SPIRE2: variants seen among roughly 807,000 people sequenced by gnomAD.
SPIRE2 encodes the protein protein spire homolog 2.
A neutral mutation model predicts 80.7 loss-of-function variants in SPIRE2; 76 were observed. The observed-to-expected ratio is 0.94, with a 90% confidence interval of 0.78 to 1.14. The LOEUF (loss-of-function observed/expected upper bound fraction) is 1.14. Ranked by LOEUF, SPIRE2 falls within the 50% of genes most tolerant of loss-of-function variation. The pLI is 0.00. For synonymous variants in SPIRE2, 535 were observed against 432.6 expected (o/e 1.24, Z -2.94); for missense variants, 1,196 against 1,015.3 (o/e 1.18, Z -2.42).
At chr16:89,833,690 T>C (rs2041410919) in intron 1 of SPIRE2, among the ~76,000 whole-genome samples, 1 of 152,200 alleles carries the variant, frequency 6.6e-6, no homozygotes, top group South Asian at 2.1e-4. Flanking sequence ...CCGGAAGCAC[T>C]GGCCAGTGGA....
intron 1 of SPIRE2, among the ~76,000 whole-genome samples, chr16:89,835,303 T>G (rs2041437422): frequency 6.6e-6 from 1 of 152,206 alleles, no homozygotes; most frequent in Admixed American, 6.5e-5. Flanking sequence ...AGTTCTGCCT[T>G]GTGCTTTTGG....
chr16:89,835,693 G>A (rs1349563237), intron 1 of SPIRE2, among the ~76,000 whole-genome samples: 1 of 152,176 alleles, frequency 6.6e-6, no homozygotes, highest in Middle Eastern at 3.2e-3. Flanking sequence ...CCATTTAGGA[G>A]GAAGGCGGGC....
chr16:89,839,369 A>G (rs1403095376), intron 1 of SPIRE2, among the ~76,000 whole-genome samples: 19 of 83,668 alleles, frequency 2.3e-4, no homozygotes, highest in Admixed American at 1.5e-3. Flanking sequence ...GCGAGACTCC[A>G]TCTCAAAAAA....
chr16:89,837,366 G>A (rs1008404282), intron 1 of SPIRE2, among the ~76,000 whole-genome samples: 1 of 152,172 alleles, frequency 6.6e-6, no homozygotes, highest in Non-Finnish European at 1.5e-5. Flanking sequence ...AGACTCAGCT[G>A]GGTGGCCTTG....
intron 10 of SPIRE2, among the ~76,000 whole-genome samples, chr16:89,861,153 G>C (rs2041741064): frequency 6.6e-6 from 1 of 152,208 alleles, no homozygotes; most frequent in Non-Finnish European, 1.5e-5. Context: ...CTCTGGCCGT[G>C]ACGCCGCCAC....
chr16:89,855,574 C>T, intron 5 of SPIRE2, 26 bp from the exon 6 acceptor site: 2 of 1,605,442 alleles, frequency 1.2e-6, no homozygotes, highest in Non-Finnish European at 8.5e-7. Context: ...CCCTGCAGGG[C>T]CTCAGATCAG....
At position 89,845,279 on chromosome 16, in the gene SPIRE2, C is replaced by T. The variant is rs144434609; in HGVS notation, c.245-43C>T. The T allele has an allele frequency of 2.5e-5, 40 of 1,599,332 alleles. No individual in the cohort carries two copies. The East Asian group carries it at 8.9e-4, about 36-fold the overall frequency. ...GGGGACAGCAGTGTTTATTGGGGTC[C>T]CGGGGATGCTGACAAATAACTTAAC... On this transcript the variant is annotated intron_variant, in intron 1 of 14. Transcript: ENST00000378247.
In SPIRE2 at chr16:89,852,755, G is replaced by A. The variant is rs879692991; in HGVS notation, c.646-1531G>A. Among the ~76,000 whole-genome samples, 20 of 42,312 alleles carry A rather than the reference G, an allele frequency of 4.7e-4. 1 individual carries two copies. The highest frequency in any genetic ancestry group is 7.5e-4 in the African/African-American group (7 of 9,356). The allele number at this position is 42,312 out of a possible 152,430, so 27.8% of individuals were successfully genotyped here. ...CCCCGGATCCCATGGCCCGTCTTCC[G>A]TCCTCCCTCTCACCCCCCGGATCCC... On this transcript the variant is annotated intron_variant, in intron 3 of 14. Transcript: ENST00000378247.
At chr16:89,829,637 A>G (rs2041359906) in intron 1 of SPIRE2, among the ~76,000 whole-genome samples, 1 of 151,708 alleles carries the variant, frequency 6.6e-6, no homozygotes, top group Non-Finnish European at 1.5e-5. Context: ...AGCAAGCTAC[A>G]GAGCCACGAG....
chr16:89,835,404 A>G (rs964020294), intron 1 of SPIRE2, among the ~76,000 whole-genome samples: 1 of 152,104 alleles, frequency 6.6e-6, no homozygotes, highest in African/African-American at 2.4e-5. Flanking sequence ...AGGCCCTCCT[A>G]CACCGACTCA....
At chr16:89,843,097 C>T (rs143222247) in intron 1 of SPIRE2, among the ~76,000 whole-genome samples, 2 of 152,316 alleles carry the variant, frequency 1.3e-5, no homozygotes, top group African/African-American at 2.4e-5. Context: ...ACCTGCATGC[C>T]CAGTTCAAGG....
chr16:89,858,606 G>A, intron 8 of SPIRE2, 99 bp downstream of exon 8: 1 of 1,220,516 alleles, frequency 8.2e-7, no homozygotes, highest in Non-Finnish European at 1.1e-6. Context: ...AGCAGCAATT[G>A]CGGTGTCTCC....
chr16:89,866,270 A>C lies in SPIRE2; in HGVS notation c.1779-1919A>C, dbSNP rs543677044. On this transcript the variant is annotated intron_variant, in intron 12 of 14. Coordinates refer to ENST00000378247, the MANE Select transcript of SPIRE2 (RefSeq NM_032451.2). ...GATCACTTCTGAGCATGTGGTGTCT[A>C]CATTTTAATTCTCTCATGTTTGAAT... 9.2e-5 allele frequency among the ~76,000 whole-genome samples: 14 copies of C among 152,222 alleles called. No individual in the cohort carries two copies. In the South Asian group the frequency reaches 2.7e-3, roughly 29 times the overall value.
chr16:89,829,060 C>G (rs563716936), intron 1 of SPIRE2, among the ~76,000 whole-genome samples: 69 of 152,340 alleles, frequency 4.5e-4, no homozygotes, highest in South Asian at 3.1e-3. Flanking sequence ...TCTCCCAGCG[C>G]GGAGCGGGCT....
In SPIRE2 at chr16:89,863,636, C is replaced by A. The variant is rs1597224051; in HGVS notation, c.1710+26C>A. On this transcript the variant is annotated intron_variant, in intron 11 of 14. Transcript: ENST00000378247. This position sits in a 1 kb window ranked among gnomAD's most constrained non-coding sequence, Gnocchi z 4.3. ...GTGAGGCTGCCTAGACGTGGGGCTA[C>A]GCTCTTGCCCGCTGGGTCAGGGGCG... The A allele has an allele frequency of 6.2e-7, 1 of 1,613,882 alleles. No homozygotes were observed. Among genetic ancestry groups the A allele is most frequent in the African/African-American group, 1.3e-5 (1 of 74,930 alleles).
At chr16:89,845,484 T>C (rs2041549954) in intron 2 of SPIRE2, 119 bp downstream of exon 2, 3 of 928,792 alleles carry the variant, frequency 3.2e-6, no homozygotes, top group South Asian at 2.7e-5. Context: ...AGGGTGCAGA[T>C]GAAGTACCCA....
At chr16:89,866,403 T>C (rs994453691) in intron 12 of SPIRE2, among the ~76,000 whole-genome samples, 1 of 152,098 alleles carries the variant, frequency 6.6e-6, no homozygotes, top group Non-Finnish European at 1.5e-5. Flanking sequence ...GTTCAAGTGA[T>C]TCTCCTGCCT....
At chr16:89,843,275 C>G (rs1165085536) in intron 1 of SPIRE2, among the ~76,000 whole-genome samples, 1 of 152,228 alleles carries the variant, frequency 6.6e-6, no homozygotes, top group Non-Finnish European at 1.5e-5. Context: ...CCTCCGGTCT[C>G]TGTTTCCTCA....
At chr16:89,858,611 G>A in intron 8 of SPIRE2, 104 bp downstream of exon 8, 4 of 1,166,194 alleles carry the variant, frequency 3.4e-6, no homozygotes, top group Middle Eastern at 2.1e-4. Flanking sequence ...CAATTGCGGT[G>A]TCTCCTGTCC....
Sources: allele counts gnomAD v4.1 joint callset (sites outside exome capture counted in the v4.1 genomes callset), GRCh38; gene constraint gnomAD v4.1.1; non-coding constraint Gnocchi (gnomAD v3.1); transcripts MANE v1.5; gene names NCBI Gene and HGNC (gene_info 2026-07-23, HGNC 2026-07-21).